NELL2: variants seen among roughly 807,000 people sequenced by gnomAD.
NELL2 encodes protein kinase C-binding protein NELL2.
In NELL2, 41 loss-of-function variants were observed where a neutral mutation model predicts 109.6. The observed-to-expected ratio is 0.37, with a 90% CI of 0.29 to 0.49. The LOEUF is 0.49. NELL2 is among the 20% of genes least tolerant of loss of function. The pLI is 0.98. For missense variants in NELL2, 900 were observed against 1,008.3 expected (o/e 0.89, Z 1.45); for synonymous variants, 355 against 344.7 (o/e 1.03, Z -0.33).
At chr12:44,690,078 G>A (rs1948853783) in intron 12 of NELL2, among the ~76,000 whole-genome samples, 1 of 152,114 alleles carries the variant, frequency 6.6e-6, no homozygotes, top group Non-Finnish European at 1.5e-5. Flanking sequence ...ATGTGCATAA[G>A]AATTGCCTGG....
intron 9 of NELL2, among the ~76,000 whole-genome samples, chr12:44,769,063 A>T (rs980581093): frequency 1.3e-5 from 2 of 152,174 alleles, no homozygotes; most frequent in African/African-American, 4.8e-5. Context: ...TCAAGAACAC[A>T]TGTTCAGAAA....
At chr12:44,531,678 CATCTT>C (rs1942066980) in intron 16 of NELL2, among the ~76,000 whole-genome samples, 1 of 152,214 alleles carries the variant, frequency 6.6e-6, no homozygotes, top group African/African-American at 2.4e-5. Context: ...GGATAAAAAA[CATCTT>C]ATCATTTAGG....
At chr12:44,878,810 G>A (rs1202020462), upstream of NELL2, among the ~76,000 whole-genome samples, 2 of 152,256 alleles carry the variant, frequency 1.3e-5, no homozygotes, top group East Asian at 3.9e-4. Context: ...TTTAGACAAT[G>A]TTAAAATTTT....
chr12:44,564,337 T>C (rs944225796), intron 15 of NELL2, among the ~76,000 whole-genome samples: 5 of 152,178 alleles, frequency 3.3e-5, no homozygotes, highest in African/African-American at 1.2e-4. Flanking sequence ...ATACACAGAA[T>C]AGAAATATTG....
rs975501563 is a variant in NELL2, at chr12:44,774,361, A to G, written c.994+386T>C. 2.6e-5 allele frequency among the ~76,000 whole-genome samples: 4 copies of G among 152,322 alleles called. No individual in the cohort carries two copies. The East Asian group carries it at 5.8e-4, about 22-fold the overall frequency. On this transcript the variant is annotated intron_variant, in intron 9 of 19. Coordinates refer to ENST00000429094, the MANE Select transcript of NELL2 (RefSeq NM_001145108.2). ...GTTGTTTGGGCTAATGGAACAGCATATCTTCTGCTGCTGAAGGCCACTTGT... is the reference window on the plus strand; with the variant it reads ...GTTGTTTGGGCTAATGGAACAGCATGTCTTCTGCTGCTGAAGGCCACTTGT...
intron 2 of NELL2, among the ~76,000 whole-genome samples, chr12:44,835,932 T>G (rs2136736541): frequency 6.6e-6 from 1 of 152,256 alleles, no homozygotes; most frequent in Non-Finnish European, 1.5e-5. Context: ...AGGAAGAATA[T>G]GTACAAAGCA....
At chr12:44,678,508 T>C (rs1010753672) in intron 12 of NELL2, among the ~76,000 whole-genome samples, 2 of 152,046 alleles carry the variant, frequency 1.3e-5, no homozygotes, top group Non-Finnish European at 1.5e-5. Context: ...GTGGTGTTGA[T>C]ACCAAAAGGT....
intron 15 of NELL2, among the ~76,000 whole-genome samples, chr12:44,577,520 G>A (rs1218320040): frequency 3.7e-5 from 5 of 134,044 alleles, no homozygotes; most frequent in Non-Finnish European, 7.6e-5. Context: ...TGTCTCCCAG[G>A]CTGGAGTGCA....
chr12:44,622,434 A>G (rs1247922808), intron 13 of NELL2, among the ~76,000 whole-genome samples: 1 of 152,108 alleles, frequency 6.6e-6, no homozygotes, highest in Non-Finnish European at 1.5e-5. Context: ...TATCACTTCC[A>G]CCTAACCCCA....
chr12:44,886,306 C>T (rs1037722689), intron 1 of NELL2, among the ~76,000 whole-genome samples: 1 of 151,770 alleles, frequency 6.6e-6, no homozygotes, highest in African/African-American at 2.4e-5. Context: ...ACAAAATGCA[C>T]ATATATCAAA....
chr12:44,745,539 T>C (rs1466135777), intron 9 of NELL2, among the ~76,000 whole-genome samples: 1 of 152,194 alleles, frequency 6.6e-6, no homozygotes, highest in Non-Finnish European at 1.5e-5. Context: ...CATGATTGTA[T>C]ATCTAGAAAA....
chr12:44,585,886 A>T (rs968130149), intron 15 of NELL2, among the ~76,000 whole-genome samples: 1 of 151,800 alleles, frequency 6.6e-6, no homozygotes, highest in African/African-American at 2.4e-5. Flanking sequence ...ATTGGGCTCC[A>T]GGTAAAAGAA....
chr12:44,907,815 T>C (rs777878556), intron 1 of NELL2, among the ~76,000 whole-genome samples: 2 of 152,036 alleles, frequency 1.3e-5, no homozygotes, highest in Non-Finnish European at 1.5e-5. Context: ...GGGAAAATCA[T>C]TGTAATGATG....
chr12:44,588,678 A>C (rs758108141), intron 15 of NELL2, among the ~76,000 whole-genome samples: 4 of 152,204 alleles, frequency 2.6e-5, no homozygotes, highest in Non-Finnish European at 5.9e-5. Context: ...CTTTCTTTTT[A>C]TTATGGTAAA....
chr12:44,812,931 C>T (rs919151136), intron 3 of NELL2, among the ~76,000 whole-genome samples: 1 of 152,164 alleles, frequency 6.6e-6, no homozygotes, highest in Non-Finnish European at 1.5e-5. Flanking sequence ...AGCCTACTCC[C>T]ATTTATTCCC....
intron 15 of NELL2, among the ~76,000 whole-genome samples, chr12:44,554,922 C>A (rs1300133739): frequency 6.6e-6 from 1 of 152,100 alleles, no homozygotes; most frequent in East Asian, 1.9e-4. Context: ...TAGTTTAGTA[C>A]ACATTAATAA....
chr12:44,902,790 C>G (rs987187278), intron 1 of NELL2, among the ~76,000 whole-genome samples: 14 of 152,224 alleles, frequency 9.2e-5, no homozygotes, highest in African/African-American at 2.9e-4. Flanking sequence ...CTGAGAAAAA[C>G]AAGCAATGGG....
chr12:44,901,534 C>T (rs1945660950), intron 1 of NELL2, among the ~76,000 whole-genome samples: 1 of 152,162 alleles, frequency 6.6e-6, no homozygotes, highest in Admixed American at 6.5e-5. Flanking sequence ...AGGGACTCCT[C>T]CCTAACTCAT....
At chr12:44,827,033 A>AT (rs1943732207) in intron 2 of NELL2, among the ~76,000 whole-genome samples, 2 of 152,214 alleles carry the variant, frequency 1.3e-5, no homozygotes, top group African/African-American at 2.4e-5. Context: ...TAGAGAGTAA[A>AT]CTGCACTAAA....
Sources: gnomAD v4.1 joint callset for allele counts (sites outside exome capture counted in the v4.1 genomes callset) on GRCh38, gnomAD v4.1.1 for gene constraint, MANE v1.5 for transcripts, NCBI Gene and HGNC (gene_info 2026-07-23, HGNC 2026-07-21) for gene names.